PHKG1: variants seen among roughly 807,000 people sequenced by gnomAD.
PHKG1 encodes phosphorylase b kinase gamma catalytic chain, skeletal muscle/heart isoform.
A neutral mutation model predicts 50.5 loss-of-function variants in PHKG1; 48 were observed. The observed-to-expected ratio is 0.95, with a 90% CI of 0.75 to 1.21. The LOEUF is 1.21. Ranked by LOEUF, PHKG1 falls within the 50% of genes most tolerant of loss-of-function variation. The probability of loss-of-function intolerance (pLI) is 0.00; values close to 1 mark genes in which losing one functional copy is unlikely to be tolerated. For missense variants in PHKG1, 487 were observed against 519.5 expected (o/e 0.94, Z 0.61); for synonymous variants, 204 against 212.8 (o/e 0.96, Z 0.36).
At chr7:56,083,182 A>G (rs1195584017) in intron 6 of PHKG1, 96 bp downstream of exon 6, 5 of 1,074,676 alleles carry the variant, frequency 4.7e-6, no homozygotes, top group South Asian at 1.5e-5. Flanking sequence ...TCCAGGGAAC[A>G]ATTAAGTTAG....
chr7:56,084,358 G>T, intron 4 of PHKG1: 1 of 566,584 alleles, frequency 1.8e-6, no homozygotes. Context: ...TCAGAAGGAC[G>T]TGAGTATCCC....
Position 56,087,600 on chromosome 7 carries a change from A to T in PHKG1, c.260T>A (p.Ile87Asn). The change falls in exon 3 of 10, where the codon ATC becomes AAC. Residue 87 changes from isoleucine (I) to asparagine (N), a missense_variant and splice_region_variant. Physicochemically the swap from Ile to Asn is moderately radical, Grantham distance 149. Coordinates refer to ENST00000297373, the MANE Select transcript of PHKG1 (RefSeq NM_006213.5). ...ILRKVSGHPN[I>N]IQLKDTYETN... ...TGTGGCTTGGGGCCATCACTCACTG[A>T]TGTTGGGGTGCCCTGAGACCTTGCG... 6.2e-7 allele frequency: 1 copy of T among 1,612,542 alleles called. No homozygotes were observed. The highest frequency in any genetic ancestry group is 1.1e-5 in the South Asian group (1 of 91,028).
intron 3 of PHKG1, 144 bp downstream of exon 3, chr7:56,087,454 A>G (rs1796304412): frequency 1.4e-6 from 1 of 726,028 alleles, no homozygotes; most frequent in South Asian, 1.7e-5. Context: ...GACCCCTTCT[A>G]TCAGAGCAGT....
At chr7:56,087,981 C>G (rs58130579) in intron 2 of PHKG1, among the ~76,000 whole-genome samples, 4,646 of 145,018 alleles carry the variant, frequency 0.032, 254 homozygotes, top group African/African-American at 0.11. Flanking sequence ...AGCCTGCTCT[C>G]AGGCCGTGTG....
At position 56,081,218 on chromosome 7, in the gene PHKG1, TGAC is replaced by T. The variant is rs752373748; in HGVS notation, c.997_999del (p.Val333del). On this transcript the variant is annotated inframe_deletion, in exon 10 of 10. Transcript: ENST00000297373. This position sits in a 1 kb window ranked among gnomAD's most constrained non-coding sequence, Gnocchi z 4.6. The stretch of plus-strand genomic sequence containing the variant: ...GGCCGGAGGGCATAGGGGTCTCGGA[TGAC>T]GATCTCCCGGGTCACAGGCTTCACC... 21 of 1,613,824 alleles carry T rather than the reference TGAC, an allele frequency of 1.3e-5. No individual in the cohort carries two copies. The South Asian group carries it at 2.3e-4, about 18-fold the overall frequency.
intron 1 of PHKG1, among the ~76,000 whole-genome samples, chr7:56,091,018 C>A (rs937961214): frequency 4.6e-5 from 7 of 152,044 alleles, no homozygotes; most frequent in Non-Finnish European, 1.0e-4. Context: ...TCGAGACCAG[C>A]CTGGGCTACA....
chr7:56,087,716 C>A lies in PHKG1; in HGVS notation c.144G>T (p.Val48=). 6.2e-7 allele frequency: 1 copy of A among 1,613,896 alleles called. No individual in the cohort carries two copies. The highest frequency in any genetic ancestry group is 8.5e-7 in the Non-Finnish European group (1 of 1,180,032). ...CTCCACCGGTGACGTCGATGACCTT[C>A]ACGGCGTACTCCTGGCTCGTGGGCT... ...IHKPTSQEYA[V]KVIDVTGGGS... is the part of the protein sequence containing the mutation. Residue 48 remains valine, a synonymous_variant, in exon 3 of 10, where the codon GTG becomes GTT. Coordinates refer to ENST00000297373, the MANE Select transcript of PHKG1 (RefSeq NM_006213.5).
chr7:56,083,584 G>T, intron 5 of PHKG1, 66 bp downstream of exon 5: 1 of 1,501,936 alleles, frequency 6.7e-7, no homozygotes. Flanking sequence ...CCTCCCCTGA[G>T]ACCCCAGTGC....
At position 56,082,002 on chromosome 7, in the gene PHKG1, G is replaced by A. The variant is rs551840444; in HGVS notation, c.683C>T (p.Pro228Leu). The change falls in exon 8 of 10, where the codon CCG becomes CTG. Residue 228 changes from proline to leucine, a missense_variant. Transcript: ENST00000297373. The part of the protein sequence containing the change: ...VIMYTLLAGS[P>L]PFWHRKQMLM... ...CATCTGCTTCCGGTGCCAGAAGGGC[G>A]GGGAGCCGGCCAGCAGCGTGTACAT... The A allele has an allele frequency of 1.5e-5, 25 of 1,613,896 alleles. No homozygotes were observed. The highest frequency in any genetic ancestry group is 2.0e-5 in the Non-Finnish European group (24 of 1,179,996).
chr7:56,082,503 G>T (rs1485921158), intron 6 of PHKG1, among the ~76,000 whole-genome samples: 1 of 152,150 alleles, frequency 6.6e-6, no homozygotes, highest in Non-Finnish European at 1.5e-5. Context: ...TGAGACAGGA[G>T]AATCGCTTGA....
In PHKG1 at chr7:56,083,278, C is replaced by T; in HGVS notation, c.547G>A (p.Glu183Lys). The T allele has an allele frequency of 6.2e-7, 1 of 1,613,728 alleles. No homozygotes were observed. The highest frequency in any genetic ancestry group is 8.5e-7 in the Non-Finnish European group (1 of 1,179,830). Residue 183 changes from glutamate (E) to lysine (K), a missense_variant and splice_region_variant, in exon 6 of 10, where the codon GAG becomes AAG. By Grantham distance (56) the Glu-to-Lys change is moderately conservative. Coordinates refer to ENST00000297373, the MANE Select transcript of PHKG1 (RefSeq NM_006213.5). ...CQLEPGERLR[E>K]VCGTPSYLAP... is the part of the protein sequence containing the mutation. ...GTGGGCCAAGGCCATGTTACCAGAC[C>T]TCGCAGCCTCTCTCCCGGCTCCAGC...
At chr7:56,084,415 C>T (rs1796163844) in intron 4 of PHKG1, among the ~76,000 whole-genome samples, 1 of 150,146 alleles carries the variant, frequency 6.7e-6, no homozygotes, top group African/African-American at 2.5e-5. Flanking sequence ...TGCTCATCAC[C>T]CAGGCTGGAG....
intron 1 of PHKG1, among the ~76,000 whole-genome samples, chr7:56,092,220 C>T (rs1167882394): frequency 6.6e-6 from 1 of 152,174 alleles, no homozygotes; most frequent in African/African-American, 2.4e-5. Flanking sequence ...GCCCCACCCA[C>T]CCCTCACACC....
chr7:56,088,524 T>TAAA (rs59230050), intron 2 of PHKG1: 128 of 147,444 alleles, frequency 8.7e-4, no homozygotes, highest in South Asian at 3.5e-3. Flanking sequence ...GACCCTATCT[T>TAAA]AAAAAAAAAA....
At position 56,092,075 on chromosome 7, in the gene PHKG1, C is replaced by T. The variant is rs1395601406; in HGVS notation, c.-35+761G>A. 3.3e-5 allele frequency among the ~76,000 whole-genome samples: 5 copies of T among 152,256 alleles called. No homozygotes were observed. The East Asian group carries it at 5.8e-4, about 18-fold the overall frequency. On this transcript the variant is annotated intron_variant, in intron 1 of 9. Transcript: ENST00000297373. ...CCCCCATATGAGATGCCAGCCTAGG[C>T]GCAAGCCTCCAGTCCTTGGCACAGC... is the stretch of plus-strand genomic sequence containing the variant.
At position 56,092,248 on chromosome 7, in the gene PHKG1, G is replaced by A. The variant is rs529690049; in HGVS notation, c.-35+588C>T. Among the ~76,000 whole-genome samples, 25 of 152,040 alleles carry A rather than the reference G, an allele frequency of 1.6e-4. No individual in the cohort carries two copies. In the South Asian group the frequency reaches 5.2e-3, roughly 32 times the overall value. ...CTCACACCTTTCCCAAGACCCCTGT[G>A]GACAGGGTCACCACATGGGAGTAGG... On this transcript the variant is annotated intron_variant, in intron 1 of 9. Transcript: ENST00000297373.
At chr7:56,084,351 G>T in intron 4 of PHKG1, 4 of 577,102 alleles carry the variant, frequency 6.9e-6, no homozygotes, top group Non-Finnish European at 1.2e-5. Context: ...ACCCAGATCA[G>T]AAGGACGTGA....
rs1796371997 is a variant in PHKG1 at position 56,088,688 on chromosome 7, TA to T, written c.83+170del. The T allele has an allele frequency of 1.3e-5, 7 of 539,306 alleles. No homozygotes were observed. In the South Asian group the frequency reaches 1.8e-4, roughly 14 times the overall value. The allele number at this position is 539,306 out of a possible 1,614,324, so 33.4% of individuals were successfully genotyped here. The stretch of plus-strand genomic sequence containing the variant: ...ACTTTTTGCTGGGAGAGGTTTCTCT[TA>T]TCTGTCCTGGCTTCAGGAGGGCAGG... On this transcript the variant is annotated intron_variant, in intron 2 of 9. Coordinates refer to ENST00000297373, the MANE Select transcript of PHKG1 (RefSeq NM_006213.5).
At position 56,081,361 on chromosome 7, in the gene PHKG1, G is replaced by A. The variant is rs1404687986; in HGVS notation, c.919-62C>T. ...CGCCCTGCCAGGCCCTGCCCCTCCA[G>A]CACAGGGACGCTCTGGGCTCGTTTG... On this transcript the variant is annotated intron_variant, in intron 9 of 9. Coordinates refer to ENST00000297373, the MANE Select transcript of PHKG1 (RefSeq NM_006213.5). This position sits in a 1 kb window ranked among gnomAD's most constrained non-coding sequence, Gnocchi z 4.6. 6.5e-7 allele frequency: 1 copy of A among 1,540,662 alleles called. No homozygotes were observed. The highest frequency in any genetic ancestry group is 1.4e-5 in the African/African-American group (1 of 73,216).
Sources: allele counts gnomAD v4.1 joint callset (sites outside exome capture counted in the v4.1 genomes callset), GRCh38; gene constraint gnomAD v4.1.1; non-coding constraint Gnocchi (gnomAD v3.1); transcripts MANE v1.5; gene names NCBI Gene and HGNC (gene_info 2026-07-23, HGNC 2026-07-21).